The following OTUD7A variants were observed in gnomAD, a reference collection of about 807,000 sequenced individuals.
OTUD7A encodes OTU deubiquitinase 7A.
Under a neutral mutation model 65.7 loss-of-function variants are expected in OTUD7A, and 12 were observed. The observed-to-expected ratio is 0.18, with a 90% CI of 0.12 to 0.30. The LOEUF is 0.30. OTUD7A is among the 10% of genes least tolerant of loss of function. The pLI, the probability that OTUD7A is intolerant of heterozygous loss-of-function variation, is 1.00. For missense variants in OTUD7A, 1,148 were observed against 1,304.8 expected, an observed-to-expected ratio of 0.88 and a Z score of 1.85; for synonymous variants, 641 against 586.3, an observed-to-expected ratio of 1.09 and a Z score of -1.35.
At chr15:31,775,865 A>G (rs1895365335) in intron 1 of OTUD7A, among the ~76,000 whole-genome samples, 1 of 152,160 alleles carries the variant, frequency 6.6e-6, no homozygotes, top group Non-Finnish European at 1.5e-5. Flanking sequence ...TCCAGGGGAG[A>G]GCCTTGATTT....
chr15:31,573,746 C>T (rs1426135801), intron 3 of OTUD7A, among the ~76,000 whole-genome samples: 1 of 152,104 alleles, frequency 6.6e-6, no homozygotes, highest in Non-Finnish European at 1.5e-5. Flanking sequence ...ACCAAAAATA[C>T]AAAAATTACC....
intron 1 of OTUD7A, among the ~76,000 whole-genome samples, chr15:31,802,965 A>C (rs1407879801): frequency 6.6e-6 from 1 of 152,198 alleles, no homozygotes; most frequent in Non-Finnish European, 1.5e-5. Context: ...CCCAGTCAGG[A>C]GGTTCTCCCA....
In OTUD7A at chr15:31,483,223, A is replaced by T; in HGVS notation, c.*71T>A. Reference sequence around the variant, plus strand: ...CCTTCCGGTGGACCAGGGCATGTAAAAAAGACACCGACACAATGGAAAAGA... The same window carrying T: ...CCTTCCGGTGGACCAGGGCATGTAATAAAGACACCGACACAATGGAAAAGA... On this transcript the variant is annotated 3_prime_UTR_variant, in exon 13 of 13. Transcript: ENST00000307050. The T allele has an allele frequency of 1.9e-6, 2 of 1,047,482 alleles. No homozygotes were observed. Among genetic ancestry groups the T allele is most frequent in the Non-Finnish European group, 2.3e-6 (2 of 871,182 alleles). The allele number at this position is 1,047,482 out of a possible 1,614,324, so 64.9% of individuals were successfully genotyped here.
At chr15:31,844,770 G>A (rs1317306584) in intron 1 of OTUD7A, among the ~76,000 whole-genome samples, 3 of 152,212 alleles carry the variant, frequency 2.0e-5, no homozygotes, top group Non-Finnish European at 4.4e-5. Context: ...TTCCGTAAAG[G>A]AAAAGACCTG....
chr15:31,694,502 G>A lies in OTUD7A; in HGVS notation c.-99-37425C>T, dbSNP rs193247818. On this transcript the variant is annotated intron_variant, in intron 1 of 12. Transcript: ENST00000307050. ...ATTATCTACTCTCAGCAAGTTTCAA[G>A]AATTTTTAAGGATACATCGTTACAA... 4.3e-4 allele frequency among the ~76,000 whole-genome samples: 65 copies of A among 152,220 alleles called. 1 individual carries two copies. In the East Asian group the frequency reaches 0.012, roughly 29 times the overall value.
chr15:31,777,021 C>T (rs1442105491), intron 1 of OTUD7A, among the ~76,000 whole-genome samples: 1 of 152,140 alleles, frequency 6.6e-6, no homozygotes, highest in Admixed American at 6.5e-5. Context: ...GGCCACCTGC[C>T]CCCTAGCTCA....
intron 1 of OTUD7A, among the ~76,000 whole-genome samples, chr15:31,793,673 G>A (rs959059643): frequency 1.3e-5 from 2 of 152,228 alleles, no homozygotes; most frequent in African/African-American, 2.4e-5. Flanking sequence ...ATGTCCCATC[G>A]TACTGTCATT....
intron 1 of OTUD7A, among the ~76,000 whole-genome samples, chr15:31,671,144 C>T (rs889974064): frequency 3.3e-5 from 5 of 152,186 alleles, no homozygotes; most frequent in African/African-American, 9.7e-5. Context: ...GAAATCTTTG[C>T]CCATGCCTAC....
intron 1 of OTUD7A, among the ~76,000 whole-genome samples, chr15:31,737,597 C>A (rs1479214116): frequency 1.3e-5 from 2 of 152,276 alleles, no homozygotes; most frequent in African/African-American, 4.8e-5. Flanking sequence ...TATCTAAGAA[C>A]TTGTTGACTC....
At chr15:31,516,108 C>T (rs546390307) in intron 8 of OTUD7A, among the ~76,000 whole-genome samples, 71 of 152,364 alleles carry the variant, frequency 4.7e-4, no homozygotes, top group South Asian at 1.2e-3. Flanking sequence ...GGACCATGCC[C>T]AGCATGGAGC....
At chr15:31,505,412 A>C (rs1050934474) in intron 8 of OTUD7A, among the ~76,000 whole-genome samples, 4 of 152,220 alleles carry the variant, frequency 2.6e-5, no homozygotes, top group Non-Finnish European at 5.9e-5. Context: ...TTTTTTTATT[A>C]TGGCTAGCAG....
chr15:31,779,083 T>C (rs1385820323), intron 1 of OTUD7A, among the ~76,000 whole-genome samples: 1 of 152,326 alleles, frequency 6.6e-6, no homozygotes, highest in African/African-American at 2.4e-5. Flanking sequence ...ACAGCAGAGC[T>C]TGGGTCACAT....
intron 3 of OTUD7A, among the ~76,000 whole-genome samples, chr15:31,620,396 C>G (rs1465535220): frequency 6.6e-6 from 1 of 152,060 alleles, no homozygotes; most frequent in Non-Finnish European, 1.5e-5. Flanking sequence ...CTGTCTGGTC[C>G]TGGACTTTTT....
At chr15:31,516,881 A>G (rs992676429) in intron 8 of OTUD7A, among the ~76,000 whole-genome samples, 4 of 152,198 alleles carry the variant, frequency 2.6e-5, no homozygotes, top group African/African-American at 7.2e-5. Flanking sequence ...CCCAGGATCT[A>G]TAAGTAAAAA....
chr15:31,810,273 C>G (rs1896385069), intron 1 of OTUD7A, among the ~76,000 whole-genome samples: 1 of 152,176 alleles, frequency 6.6e-6, no homozygotes, highest in Non-Finnish European at 1.5e-5. Flanking sequence ...ACCAGTGGAG[C>G]CTCACTGAAA....
intron 1 of OTUD7A, among the ~76,000 whole-genome samples, chr15:31,738,505 A>C (rs1394682665): frequency 6.6e-6 from 1 of 152,166 alleles, no homozygotes. Context: ...CATAGTTTCC[A>C]AGGGTCCCAG....
At chr15:31,626,379 T>G (rs917427608) in intron 3 of OTUD7A, among the ~76,000 whole-genome samples, 8 of 152,184 alleles carry the variant, frequency 5.3e-5, no homozygotes, top group African/African-American at 1.9e-4. Context: ...GGTAAAATGT[T>G]AATTGTAGAA....
chr15:31,561,354 AT>A (rs1211028701), intron 4 of OTUD7A, among the ~76,000 whole-genome samples: 1 of 152,124 alleles, frequency 6.6e-6, no homozygotes, highest in African/African-American at 2.4e-5. Context: ...ACAAACTACC[AT>A]TTTTGTATCT....
chr15:31,505,277 G>A (rs1236764800), intron 8 of OTUD7A, among the ~76,000 whole-genome samples: 1 of 152,170 alleles, frequency 6.6e-6, no homozygotes, highest in Non-Finnish European at 1.5e-5. Context: ...GTTGAGAAAG[G>A]TAAAAATACT....
Sources: allele counts gnomAD v4.1 joint callset (sites outside exome capture counted in the v4.1 genomes callset), GRCh38; gene constraint gnomAD v4.1.1; transcripts MANE v1.5; gene names NCBI Gene and HGNC (gene_info 2026-07-23, HGNC 2026-07-21).